The following SPATA6 variants were observed in gnomAD, a reference collection of about 807,000 sequenced individuals.
SPATA6 encodes spermatogenesis associated 6.
Under a neutral mutation model 65.3 loss-of-function variants are expected in SPATA6, and 56 were observed. That is an observed-to-expected ratio of 0.86 (90% confidence interval 0.69 to 1.07). SPATA6 has a LOEUF of 1.07. Among genes scored for constraint, SPATA6 ranks in the 50% least tolerant of loss-of-function variants. SPATA6 has a pLI of 0.00. For synonymous variants in SPATA6, 199 were observed against 213.2 expected (o/e 0.93, Z 0.58); for missense variants, 590 against 594.8 (o/e 0.99, Z 0.08).
chr1:48,403,264 C>T (rs1362681783), intron 6 of SPATA6, among the ~76,000 whole-genome samples: 2 of 152,136 alleles, frequency 1.3e-5, no homozygotes, highest in African/African-American at 2.4e-5. Flanking sequence ...CATAGATGAT[C>T]CTTAGGCTGG....
At chr1:48,442,798 A>C (rs984083749) in intron 3 of SPATA6, among the ~76,000 whole-genome samples, 5 of 151,534 alleles carry the variant, frequency 3.3e-5, no homozygotes, top group Admixed American at 1.3e-4. Context: ...CTATAATGAT[A>C]ATTGAAGGTC....
chr1:48,327,061 C>A (rs1453167790), intron 11 of SPATA6, among the ~76,000 whole-genome samples: 1 of 151,974 alleles, frequency 6.6e-6, no homozygotes, highest in Non-Finnish European at 1.5e-5. Flanking sequence ...AGTAAACAGA[C>A]AACTTACATA....
intron 9 of SPATA6, among the ~76,000 whole-genome samples, chr1:48,385,039 T>A (rs1035450332): frequency 2.6e-5 from 4 of 152,130 alleles, no homozygotes; most frequent in African/African-American, 4.8e-5. Context: ...AACAACTGAT[T>A]TCTCTCTCTC....
At chr1:48,380,319 TTA>T (rs1648416452) in intron 9 of SPATA6, among the ~76,000 whole-genome samples, 1 of 152,234 alleles carries the variant, frequency 6.6e-6, no homozygotes, top group Admixed American at 6.5e-5. Flanking sequence ...GCAGATATAT[TTA>T]TATGACAATC....
At chr1:48,325,733 C>G (rs1645739256) in intron 11 of SPATA6, 2 of 523,152 alleles carry the variant, frequency 3.8e-6, no homozygotes, top group East Asian at 8.3e-5. Flanking sequence ...TGGCAATGGC[C>G]CAAGTATCTC....
chr1:48,330,231 T>G (rs1645877320), intron 11 of SPATA6, among the ~76,000 whole-genome samples: 1 of 152,092 alleles, frequency 6.6e-6, no homozygotes, highest in African/African-American at 2.4e-5. Flanking sequence ...CACTTTTGTG[T>G]GAATTCAGCT....
intron 9 of SPATA6, among the ~76,000 whole-genome samples, chr1:48,378,644 T>C (rs747064399): frequency 2.0e-5 from 3 of 152,154 alleles, no homozygotes; most frequent in Admixed American, 1.3e-4. Context: ...TCAGATCTCA[T>C]GAGACTTATT....
At chr1:48,412,425 T>C (rs1258596283) in intron 4 of SPATA6, among the ~76,000 whole-genome samples, 1 of 152,368 alleles carries the variant, frequency 6.6e-6, no homozygotes, top group African/African-American at 2.4e-5. Context: ...TCAATTTTTA[T>C]GACTGTCACA....
intron 3 of SPATA6, among the ~76,000 whole-genome samples, chr1:48,438,804 A>G (rs755529399): frequency 1.4e-4 from 21 of 152,050 alleles, no homozygotes; most frequent in Non-Finnish European, 2.6e-4. Context: ...TCTAGTATAA[A>G]CTTCAGGACT....
At chr1:48,279,443 T>C in the SPATA6 span, among the ~76,000 whole-genome samples, 3 of 152,078 alleles carry the variant, frequency 2.0e-5, no homozygotes, top group Admixed American at 1.3e-4. Flanking sequence ...ACCCATCTCA[T>C]GTGCAGAGAA....
intron 1 of SPATA6, among the ~76,000 whole-genome samples, chr1:48,470,736 C>G (rs1389805918): frequency 6.6e-6 from 1 of 152,108 alleles, no homozygotes; most frequent in African/African-American, 2.4e-5. Flanking sequence ...AAGCTGCAAG[C>G]ACGGGTTAAG....
At position 48,411,530 on chromosome 1, in the gene SPATA6, TG is replaced by T. The variant is rs1557678473; in HGVS notation, c.338del (p.Pro113GlnfsTer16). 2.5e-6 allele frequency: 4 copies of T among 1,612,208 alleles called. No homozygotes were observed. The highest frequency in any genetic ancestry group is 3.3e-5 in the Admixed American group (2 of 59,796). The stretch of plus-strand genomic sequence containing the variant: ...AATCATGGTGTCCAGACATTTGGTT[TG>T]GACCCGGAAACATGAAATCTCGTGT... ...ENTRDFMFPGPNQMSGHHDSN... is the reference protein window; with the variant it reads ...ENTRDFMFPGXNQMSGHHDSN... On this transcript the variant is annotated frameshift_variant, in exon 5 of 13. Coordinates refer to ENST00000371847, the MANE Select transcript of SPATA6 (RefSeq NM_019073.4). LOFTEE classifies it high-confidence loss of function.
At chr1:48,385,219 A>C in intron 9 of SPATA6, 90 bp downstream of exon 9, 1 of 1,084,132 alleles carries the variant, frequency 9.2e-7, no homozygotes, top group Non-Finnish European at 1.3e-6. Context: ...GAATTTGATA[A>C]TCCCTATCTG....
chr1:48,326,250 T>C (rs941373084), intron 11 of SPATA6: 1 of 152,190 alleles, frequency 6.6e-6, no homozygotes, highest in Non-Finnish European at 1.5e-5. Context: ...TTCAATCCCA[T>C]TTTCAATAGC....
chr1:48,360,963 TC>T (rs1224281811), intron 9 of SPATA6, among the ~76,000 whole-genome samples: 1 of 152,180 alleles, frequency 6.6e-6, no homozygotes, highest in Non-Finnish European at 1.5e-5. Flanking sequence ...GATATACTCT[TC>T]CAATTGTAAG....
At chr1:48,420,551 T>C (rs764839390) in intron 3 of SPATA6, among the ~76,000 whole-genome samples, 2 of 152,182 alleles carry the variant, frequency 1.3e-5, no homozygotes, top group Admixed American at 6.5e-5. Context: ...ACTCAATTGG[T>C]ATCTGCTGAA....
intron 11 of SPATA6, among the ~76,000 whole-genome samples, chr1:48,350,054 CCA>C (rs967459846): frequency 1.3e-5 from 2 of 151,876 alleles, no homozygotes; most frequent in Admixed American, 6.6e-5. Context: ...AGTGGCTATA[CCA>C]TTGGTATTCC....
intron 5 of SPATA6, 135 bp from the exon 6 acceptor site, chr1:48,404,017 A>T: frequency 1.7e-6 from 1 of 594,276 alleles, no homozygotes; most frequent in East Asian, 3.0e-5. Flanking sequence ...ACTTTTCATT[A>T]AAGATAAAGA....
the SPATA6 span, among the ~76,000 whole-genome samples, chr1:48,264,285 G>T: frequency 6.6e-6 from 1 of 152,076 alleles, no homozygotes; most frequent in Admixed American, 6.6e-5. Context: ...GCATACAAAG[G>T]ATCTTCATGT....
Sources: allele counts gnomAD v4.1 joint callset (sites outside exome capture counted in the v4.1 genomes callset), GRCh38; gene constraint gnomAD v4.1.1; transcripts MANE v1.5; gene names NCBI Gene and HGNC (gene_info 2026-07-23, HGNC 2026-07-21).